The following SPTSSA variants were observed in gnomAD, a reference collection of about 807,000 sequenced individuals.
SPTSSA encodes small subunit of serine palmitoyltransferase A.
SPTSSA carries 8 observed loss-of-function variants against 9.1 expected under a neutral mutation model. The ratio of observed to expected loss-of-function variants is 0.88; its 90% CI spans 0.51 to 1.58. The LOEUF (loss-of-function observed/expected upper bound fraction) is 1.58. Ranked by LOEUF, SPTSSA falls within the 40% of genes most tolerant of loss-of-function variation. SPTSSA has a pLI of 0.00. For missense variants in SPTSSA, 100 were observed against 93.8 expected, an observed-to-expected ratio of 1.07 and a Z score of -0.27; for synonymous variants, 42 against 37.7, an observed-to-expected ratio of 1.11 and a Z score of -0.41.
intron 1 of SPTSSA, 138 bp from the exon 2 acceptor site, chr14:34,435,442 C>A (rs1463462072): frequency 5.5e-6 from 3 of 549,696 alleles, no homozygotes; most frequent in African/African-American, 1.9e-5. Context: ...ATAAAAAAAA[C>A]AACAAGAATG....
intron 1 of SPTSSA, among the ~76,000 whole-genome samples, chr14:34,451,021 A>AT (rs770553832): frequency 0.019 from 2,710 of 142,534 alleles, 62 homozygotes; most frequent in African/African-American, 0.057. Flanking sequence ...AGAAATAAAG[A>AT]TTTTTTTTTT....
intron 1 of SPTSSA, among the ~76,000 whole-genome samples, chr14:34,457,030 G>A (rs1878497676): frequency 6.6e-6 from 1 of 151,096 alleles, no homozygotes; most frequent in South Asian, 2.1e-4. Context: ...CCAGGCTGGA[G>A]TACAATGGCA....
At chr14:34,458,207 T>TA (rs1431269357) in intron 1 of SPTSSA, among the ~76,000 whole-genome samples, 1 of 151,712 alleles carries the variant, frequency 6.6e-6, no homozygotes, top group African/African-American at 2.4e-5. Context: ...CAATTGAGAT[T>TA]TTTTTTTCTT....
At chr14:34,457,505 G>A (rs1878508834) in intron 1 of SPTSSA, among the ~76,000 whole-genome samples, 1 of 152,290 alleles carries the variant, frequency 6.6e-6, no homozygotes, top group South Asian at 2.1e-4. Context: ...AGTATATACT[G>A]TAATACTAAT....
At chr14:34,451,864 G>A (rs1883533690) in intron 1 of SPTSSA, among the ~76,000 whole-genome samples, 1 of 151,984 alleles carries the variant, frequency 6.6e-6, no homozygotes, top group Non-Finnish European at 1.5e-5. Flanking sequence ...TTACTGAAAA[G>A]CAATCAAAGC....
At chr14:34,452,911 T>C (rs567071934) in intron 1 of SPTSSA, among the ~76,000 whole-genome samples, 9 of 152,150 alleles carry the variant, frequency 5.9e-5, no homozygotes, top group Non-Finnish European at 1.3e-4. Context: ...GGAAAATAAT[T>C]AGGTGACCCT....
chr14:34,436,030 TTAAC>T (rs1883237217), intron 1 of SPTSSA, among the ~76,000 whole-genome samples: 1 of 152,234 alleles, frequency 6.6e-6, no homozygotes, highest in Middle Eastern at 3.4e-3. Context: ...ATCTACCAAC[TTAAC>T]TAATAAGAAT....
At chr14:34,449,019 A>T (rs901050500) in intron 1 of SPTSSA, among the ~76,000 whole-genome samples, 4 of 152,070 alleles carry the variant, frequency 2.6e-5, no homozygotes, top group Admixed American at 6.5e-5. Context: ...AAAGTTTTTT[A>T]AAAAATAATA....
At position 34,462,115 on chromosome 14, in the gene SPTSSA, G is replaced by A; in HGVS notation, c.93C>T (p.Pro31=). The A allele has an allele frequency of 6.6e-7, 1 of 1,515,458 alleles. No homozygotes were observed. The highest frequency in any genetic ancestry group is 8.9e-7 in the Non-Finnish European group (1 of 1,126,588). The allele number at this position is 1,515,458 out of a possible 1,614,324, so 93.9% of individuals were successfully genotyped here. A position where few individuals can be genotyped will look rare whatever the true frequency, so the allele number is the denominator to read the frequency against. The change falls in exon 1 of 2, where the codon CCC becomes CCT. Residue 31 remains proline (P), a synonymous_variant. Coordinates refer to ENST00000298130, the MANE Select transcript of SPTSSA (RefSeq NM_138288.4). The stretch of plus-strand genomic sequence containing the variant: ...GGATACTGAACACCGTCCGCTCCCA[G>A]GGCTCCAGCATGTAGAGCGCCGTGA... The part of the protein sequence containing the change: ...LLVTALYMLE[P]WERTVFNSML...
At chr14:34,452,995 G>C (rs1474875627) in intron 1 of SPTSSA, among the ~76,000 whole-genome samples, 3 of 151,778 alleles carry the variant, frequency 2.0e-5, no homozygotes, top group Admixed American at 2.0e-4. Flanking sequence ...CCCTGAAACA[G>C]CAAGACCAAC....
chr14:34,448,358 C>T (rs1883461159), intron 1 of SPTSSA, among the ~76,000 whole-genome samples: 1 of 152,064 alleles, frequency 6.6e-6, no homozygotes, highest in African/African-American at 2.4e-5. Context: ...GAAGTAGTTA[C>T]AGAAAAAGAA....
chr14:34,461,347 T>C (rs1878611033), intron 1 of SPTSSA, among the ~76,000 whole-genome samples: 1 of 152,212 alleles, frequency 6.6e-6, no homozygotes. Context: ...TGAGTTAAGA[T>C]ACAGACAACG....
chr14:34,446,771 T>C (rs1883429047), intron 1 of SPTSSA, among the ~76,000 whole-genome samples: 2 of 152,224 alleles, frequency 1.3e-5, no homozygotes, highest in African/African-American at 4.8e-5. Context: ...TTAAAGGCTA[T>C]CATCACACAA....
intron 1 of SPTSSA, among the ~76,000 whole-genome samples, chr14:34,446,457 T>C (rs987866054): frequency 6.6e-6 from 1 of 152,208 alleles, no homozygotes; most frequent in African/African-American, 2.4e-5. Context: ...GAGTGTACTT[T>C]TATTTATGAA....
intron 1 of SPTSSA, among the ~76,000 whole-genome samples, chr14:34,443,197 GGGTGTGTGTGTGTGTGT>G (rs1188781551): frequency 2.8e-4 from 5 of 17,968 alleles, no homozygotes; most frequent in African/African-American, 9.5e-4. Flanking sequence ...TTCCTCTAGG[GGGTGTGTGTGTGTGTGT>G]GTGTGTGTGT....
intron 1 of SPTSSA, among the ~76,000 whole-genome samples, chr14:34,436,157 G>A (rs1883238518): frequency 6.6e-6 from 1 of 152,182 alleles, no homozygotes; most frequent in African/African-American, 2.4e-5. Context: ...AACTGCTACT[G>A]CTATTATCAC....
At chr14:34,455,931 C>CAA (rs113785088) in intron 1 of SPTSSA, among the ~76,000 whole-genome samples, 154 of 139,540 alleles carry the variant, frequency 1.1e-3, no homozygotes, top group African/African-American at 3.1e-3. Context: ...GACTCCATCT[C>CAA]AAAAAAAAAA....
intron 1 of SPTSSA, among the ~76,000 whole-genome samples, chr14:34,461,468 T>C (rs1199088448): frequency 3.3e-5 from 5 of 152,176 alleles, no homozygotes; most frequent in Non-Finnish European, 7.4e-5. Context: ...TAACCACAAA[T>C]TGCACCACTT....
chr14:34,457,049 G>A (rs751982310), intron 1 of SPTSSA, among the ~76,000 whole-genome samples: 10 of 150,860 alleles, frequency 6.6e-5, no homozygotes, highest in Non-Finnish European at 2.9e-5. Context: ...CACAATCTTG[G>A]CTCACTGCAA....
Sources: allele counts gnomAD v4.1 joint callset (sites outside exome capture counted in the v4.1 genomes callset), GRCh38; gene constraint gnomAD v4.1.1; transcripts MANE v1.5; gene names NCBI Gene and HGNC (gene_info 2026-07-23, HGNC 2026-07-21).